Variants in KCTD1 observed in about 807,000 individuals in gnomAD.
KCTD1 encodes the protein potassium channel tetramerization domain containing 1.
A neutral mutation model predicts 66.0 loss-of-function variants in KCTD1; 24 were observed. The observed-to-expected ratio is 0.36, with a 90% CI of 0.26 to 0.51. The LOEUF (loss-of-function observed/expected upper bound fraction) is 0.51. Among genes scored for constraint, KCTD1 ranks in the 20% least tolerant of loss-of-function variants. KCTD1 has a pLI of 0.95. For synonymous variants in KCTD1, 511 were observed against 517.2 expected, an observed-to-expected ratio of 0.99 and a Z score of 0.16; for missense variants, 943 against 1,205.2, an observed-to-expected ratio of 0.78 and a Z score of 3.22.
intron 1 of KCTD1, among the ~76,000 whole-genome samples, chr18:26,568,279 C>T (rs961197473): frequency 2.6e-5 from 4 of 151,924 alleles, no homozygotes; most frequent in Admixed American, 6.6e-5. Flanking sequence ...ACTCTGTCAC[C>T]CAGGCTGGAG....
chr18:26,459,551 T>C lies in KCTD1; in HGVS notation c.2439+69A>G. On this transcript the variant is annotated intron_variant, in intron 4 of 4. Coordinates refer to ENST00000580059, the MANE Select transcript of KCTD1 (RefSeq NM_001142730.3). Reference sequence around the variant, plus strand: ...AGCTCTTTGGAGGAAAGGCACCATGTGAGGGCAAGGTTAAGTGACAACAGT... The same window carrying C: ...AGCTCTTTGGAGGAAAGGCACCATGCGAGGGCAAGGTTAAGTGACAACAGT... 1.4e-6 allele frequency: 2 copies of C among 1,458,958 alleles called. 1 individual carries two copies. The highest frequency in any genetic ancestry group is 3.8e-4 in the Middle Eastern group (2 of 5,286). The allele number at this position is 1,458,958 out of a possible 1,614,324, so 90.4% of individuals were successfully genotyped here. A position where few individuals can be genotyped will look rare whatever the true frequency, so the allele number is the denominator to read the frequency against.
chr18:26,581,819 G>C (rs112488207), intron 1 of KCTD1: 2,232 of 151,942 alleles, frequency 0.015, 54 homozygotes, highest in African/African-American at 0.051. Flanking sequence ...TATGAAATTT[G>C]GTTTCATAAA....
At chr18:26,596,482 C>T (rs1243512591) in intron 1 of KCTD1, among the ~76,000 whole-genome samples, 1 of 152,106 alleles carries the variant, frequency 6.6e-6, no homozygotes, top group Admixed American at 6.5e-5. Context: ...TTATGGCAGC[C>T]CGAGGGGACT....
intron 2 of KCTD1, among the ~76,000 whole-genome samples, chr18:26,495,697 T>C (rs139655604): frequency 1.4e-3 from 209 of 152,242 alleles, no homozygotes; most frequent in African/African-American, 4.9e-3. Flanking sequence ...AGCAGTCAGG[T>C]TGGATGGCTG....
At chr18:26,582,105 CAAAA>C (rs34695011) in intron 1 of KCTD1, among the ~76,000 whole-genome samples, 4 of 134,796 alleles carry the variant, frequency 3.0e-5, no homozygotes, top group Admixed American at 7.4e-5. Context: ...CTGTCTCTAC[CAAAA>C]AAAAAAAAAA....
rs755499461 is a variant in KCTD1, at chr18:26,501,230, T to G, written c.1830A>C (p.Ser610=). ...SPTQDSRPNM[S]RPLITRSPAS... ...CAGGGGATCTAGTGATCAGAGGTCT[T>G]GACATATTGGGCCGACTGTCCTACA... Residue 610 remains serine, a synonymous_variant, in exon 2 of 5, where the codon TCA becomes TCC. Transcript: ENST00000580059. 1 of 1,614,070 alleles carries G rather than the reference T, an allele frequency of 6.2e-7. No individual in the cohort carries two copies. The highest frequency in any genetic ancestry group is 8.5e-7 in the Non-Finnish European group (1 of 1,180,010).
In KCTD1 at chr18:26,601,326, T is replaced by TA. The variant is rs61521451; in HGVS notation, c.-16+27820dup. ...GCCAGTAAATAAAAGTGTTCATTGG[T>TA]AAAAAAAAAAAAAAAAAAAAAAAGA... On this transcript the variant is annotated intron_variant, in intron 1 of 4. Coordinates refer to the KCTD1 transcript ENST00000317932. Among the ~76,000 whole-genome samples, 723 of 93,250 alleles carry TA rather than the reference T, an allele frequency of 7.8e-3. 19 individuals are homozygous for TA. Among genetic ancestry groups the TA allele is most frequent in the African/African-American group, 0.024 (556 of 23,296 alleles). The allele number at this position is 93,250 out of a possible 152,430, so 61.2% of individuals were successfully genotyped here.
chr18:26,509,546 T>C (rs1226413741), intron 1 of KCTD1, among the ~76,000 whole-genome samples: 2 of 152,174 alleles, frequency 1.3e-5, no homozygotes, highest in Non-Finnish European at 2.9e-5. Flanking sequence ...TTCTTAATCT[T>C]TATGAGAAGT....
At chr18:26,488,837 C>T (rs1982046548) in intron 2 of KCTD1, among the ~76,000 whole-genome samples, 2 of 152,228 alleles carry the variant, frequency 1.3e-5, no homozygotes, top group Admixed American at 6.5e-5. Context: ...AAGCCATTAT[C>T]CAACGAGTGT....
At chr18:26,518,412 C>T (rs745388027) in intron 1 of KCTD1, among the ~76,000 whole-genome samples, 34 of 151,842 alleles carry the variant, frequency 2.2e-4, no homozygotes, top group Admixed American at 1.2e-3. Context: ...ACTACAGGTG[C>T]GCACCACCAT....
At chr18:26,626,509 TC>T (rs1987505646) in intron 1 of KCTD1, among the ~76,000 whole-genome samples, 1 of 136,362 alleles carries the variant, frequency 7.3e-6, no homozygotes, top group Non-Finnish European at 1.5e-5. Context: ...AAGGTCTTGC[TC>T]CATCACCCAG....
chr18:26,549,649 G>A, upstream of KCTD1: 7 of 935,216 alleles, frequency 7.5e-6, no homozygotes, highest in Non-Finnish European at 8.9e-6. Flanking sequence ...CCATCGGGCA[G>A]GCGGAAAAAG....
At chr18:26,542,793 T>C (rs1444441948) in intron 1 of KCTD1, among the ~76,000 whole-genome samples, 1 of 152,196 alleles carries the variant, frequency 6.6e-6, no homozygotes, top group African/African-American at 2.4e-5. Flanking sequence ...CAAATATTTC[T>C]TTTTCTGTTT....
chr18:26,478,042 A>G (rs1981439212), intron 2 of KCTD1, among the ~76,000 whole-genome samples: 1 of 152,228 alleles, frequency 6.6e-6, no homozygotes, highest in African/African-American at 2.4e-5. Context: ...TAGGCCTGAA[A>G]CTAAAATATG....
At chr18:26,640,896 C>T (rs1032099809), upstream of KCTD1, among the ~76,000 whole-genome samples, 4 of 152,002 alleles carry the variant, frequency 2.6e-5, no homozygotes, top group African/African-American at 9.7e-5. Flanking sequence ...AGCTTGGGGA[C>T]ACAGAGAGGA....
chr18:26,569,578 G>A (rs1986056198), intron 1 of KCTD1, among the ~76,000 whole-genome samples: 1 of 152,084 alleles, frequency 6.6e-6, no homozygotes, highest in Non-Finnish European at 1.5e-5. Context: ...AGGCAGGTGG[G>A]GGGTGGGGGG....
chr18:26,631,515 C>T (rs918530280), upstream of KCTD1, among the ~76,000 whole-genome samples: 15 of 152,296 alleles, frequency 9.8e-5, no homozygotes, highest in African/African-American at 3.1e-4. Flanking sequence ...AATGGGACCA[C>T]TACTGTATAT....
chr18:26,656,872 G>A (rs1340261388), intron 1 of KCTD1, among the ~76,000 whole-genome samples: 7 of 147,706 alleles, frequency 4.7e-5, no homozygotes, highest in Admixed American at 1.3e-4. Flanking sequence ...GGGAAGAAAG[G>A]GACGCGCGGG....
At chr18:26,563,044 C>T (rs991781006) in intron 1 of KCTD1, among the ~76,000 whole-genome samples, 1 of 151,916 alleles carries the variant, frequency 6.6e-6, no homozygotes, top group African/African-American at 2.4e-5. Context: ...CTGCAATGCA[C>T]CCGAGCTAGG....
Sources: gnomAD v4.1 joint callset for allele counts (sites outside exome capture counted in the v4.1 genomes callset) on GRCh38, gnomAD v4.1.1 for gene constraint, MANE v1.5 for transcripts, NCBI Gene and HGNC (gene_info 2026-07-23, HGNC 2026-07-21) for gene names.